Variants in ODF2L observed in about 807,000 individuals in gnomAD.
ODF2L encodes outer dense fiber of sperm tails 2 like, also known as protein BCAP.
A neutral mutation model predicts 86.3 loss-of-function variants in ODF2L; 76 were observed. That is an observed-to-expected ratio of 0.88 (90% CI 0.73 to 1.07). The LOEUF (loss-of-function observed/expected upper bound fraction) is 1.07, where lower values mean the gene tolerates loss of function less well. Ranked by LOEUF, ODF2L falls within the 50% of genes least tolerant of loss-of-function variation. The probability of loss-of-function intolerance (pLI) is 0.00; values close to 1 mark genes in which losing one functional copy is unlikely to be tolerated. For synonymous variants in ODF2L, 241 were observed against 231.3 expected (o/e 1.04, Z -0.38); for missense variants, 748 against 717.4 (o/e 1.04, Z -0.49).
exon 18 of ODF2L, chr1:86,351,491 T>C (rs1658134746): frequency 6.6e-6 from 1 of 152,276 alleles, no homozygotes; most frequent in Admixed American, 6.5e-5. Flanking sequence ...TTTTGGTTAC[T>C]GTAGCCTTGT....
At chr1:86,356,018 AAAAAGT>A (rs1369742141) in intron 14 of ODF2L, 2 of 247,624 alleles carry the variant, frequency 8.1e-6, no homozygotes, top group East Asian at 2.8e-4. Flanking sequence ...CTGATGGTAT[AAAAAGT>A]AAAACAGGAA....
At position 86,354,761 on chromosome 1, in the gene ODF2L, A is replaced by G. The variant is rs777463725; in HGVS notation, c.1604+13T>C. On this transcript the variant is annotated intron_variant, in intron 15 of 17. Coordinates refer to ENST00000317336, the Ensembl canonical transcript of ODF2L. ...AAATATGCAGCAGCAATGTTAAGTA[A>G]TTTAATACTTACTGTTGAAGGTTTT... is the stretch of plus-strand genomic sequence containing the variant. 4.5e-6 allele frequency: 7 copies of G among 1,549,198 alleles called. No individual in the cohort carries two copies. The East Asian group carries it at 1.1e-4, about 25-fold the overall frequency.
chr1:86,379,317 T>C (rs1660405357), intron 7 of ODF2L, among the ~76,000 whole-genome samples: 1 of 152,180 alleles, frequency 6.6e-6, no homozygotes, highest in South Asian at 2.1e-4. Context: ...TATAACCTGT[T>C]AAAGGATGCA....
chr1:86,393,533 A>T (rs6695671), intron 1 of ODF2L, among the ~76,000 whole-genome samples: 102,845 of 151,970 alleles, frequency 0.68, 34,971 homozygotes, highest in Non-Finnish European at 0.72. Context: ...CTCCAATGAA[A>T]AAAGAAGGAT....
At chr1:86,349,581 G>C (rs183985623), downstream of ODF2L, 1 of 152,260 alleles carries the variant, frequency 6.6e-6, no homozygotes, top group African/African-American at 2.4e-5. Context: ...AGGAAATGAG[G>C]CAGGTAAAAA....
At chr1:86,387,122 A>G in intron 1 of ODF2L, 36 bp from the exon 2 acceptor site, 1 of 582,146 alleles carries the variant, frequency 1.7e-6, no homozygotes, top group Non-Finnish European at 2.9e-6. Context: ...TTATTTCAAT[A>G]GAGTTTTTTT....
exon 8 of ODF2L, chr1:86,376,239 T>C: frequency 6.3e-7 from 1 of 1,597,866 alleles, no homozygotes; most frequent in Non-Finnish European, 8.6e-7. Flanking sequence ...ATACCTGATC[T>C]CTAATTTGGG....
intron 8 of ODF2L, among the ~76,000 whole-genome samples, 171 bp downstream of exon 8, chr1:86,376,062 C>A (rs1660147797): frequency 6.6e-6 from 1 of 152,028 alleles, no homozygotes; most frequent in Non-Finnish European, 1.5e-5. Flanking sequence ...GAAAATTTGA[C>A]ATTTTATGTA....
chr1:86,348,637 T>C, downstream of ODF2L: 2 of 970,752 alleles, frequency 2.1e-6, no homozygotes, highest in Non-Finnish European at 2.7e-6. Context: ...AAACCTCTAA[T>C]ACTACCACTC....
At position 86,358,809 on chromosome 1, in the gene ODF2L, GT is replaced by G; in HGVS notation, c.1336del (p.Thr446ProfsTer6). 1.4e-6 allele frequency: 2 copies of G among 1,472,076 alleles called. No individual in the cohort carries two copies. The highest frequency in any genetic ancestry group is 1.9e-5 in the Admixed American group (1 of 52,028). 91.2% of individuals were successfully genotyped at this position (1,472,076 alleles called of 1,614,324 possible). ...TACCTTCTCTACATTTTTATTTTTGGTTTTTGTTATTTGGTTATTTTTATGT... is the reference window on the plus strand; with the variant it reads ...TACCTTCTCTACATTTTTATTTTTGGTTTTGTTATTTGGTTATTTTTATGT... On this transcript the variant is annotated frameshift_variant, in exon 13 of 18. Transcript: ENST00000317336. LOFTEE classifies it high-confidence loss of function.
intron 8 of ODF2L, among the ~76,000 whole-genome samples, chr1:86,373,020 A>G (rs1659912802): frequency 6.6e-6 from 1 of 152,156 alleles, no homozygotes. Context: ...TACAGTGTAC[A>G]GTGCTCGGGT....
At chr1:86,373,382 T>C (rs565414257) in intron 8 of ODF2L, among the ~76,000 whole-genome samples, 29 of 150,588 alleles carry the variant, frequency 1.9e-4, no homozygotes, top group African/African-American at 7.1e-4. Flanking sequence ...GTGCAAGGGA[T>C]CCTCCTGCCT....
At chr1:86,356,072 G>A (rs1435458794) in intron 14 of ODF2L, 1 of 217,936 alleles carries the variant, frequency 4.6e-6, no homozygotes, top group Non-Finnish European at 9.4e-6. Context: ...AAAACTTGAC[G>A]TACAATTCTA....
intron 9 of ODF2L, 129 bp downstream of exon 9, chr1:86,372,302 T>C (rs1659847621): frequency 2.5e-6 from 1 of 395,372 alleles, no homozygotes; most frequent in African/African-American, 2.1e-5. Flanking sequence ...ATAGCAAAAA[T>C]ATCAAATCAT....
At chr1:86,379,070 T>G (rs922959239) in intron 7 of ODF2L, among the ~76,000 whole-genome samples, 2 of 152,052 alleles carry the variant, frequency 1.3e-5, no homozygotes, top group Non-Finnish European at 2.9e-5. Flanking sequence ...CTCTCTTCCT[T>G]TTGCTCCCAC....
chr1:86,390,129 GA>G (rs1472947149), intron 1 of ODF2L, among the ~76,000 whole-genome samples: 2 of 152,048 alleles, frequency 1.3e-5, no homozygotes, highest in Non-Finnish European at 2.9e-5. Context: ...ATAGATGCAA[GA>G]ATTCTTAAAA....
intron 8 of ODF2L, among the ~76,000 whole-genome samples, chr1:86,373,298 C>CTT (rs568005356): frequency 1.4e-5 from 2 of 140,214 alleles, no homozygotes; most frequent in Non-Finnish European, 3.1e-5. Context: ...TTCCATTTTA[C>CTT]TTTTTTTTTT....
rs191762405 is a variant in ODF2L, at chr1:86,390,736, G to C, written c.-59-3650C>G. Among the ~76,000 whole-genome samples, 66 of 152,156 alleles carry C rather than the reference G, an allele frequency of 4.3e-4. 1 individual carries two copies. The East Asian group carries it at 0.012, about 27-fold the overall frequency. ...CCCATAGCCAACATAATACTGAATG[G>C]GGAAAAGTTGAAAGCATTCCCTCTG... On this transcript the variant is annotated intron_variant, in intron 1 of 17. Transcript: ENST00000317336.
intron 1 of ODF2L, among the ~76,000 whole-genome samples, chr1:86,390,121 A>G (rs922276496): frequency 6.6e-6 from 1 of 152,178 alleles, no homozygotes; most frequent in Non-Finnish European, 1.5e-5. Flanking sequence ...TGATGAACAT[A>G]GATGCAAGAA....
Sources: gnomAD v4.1 joint callset for allele counts (sites outside exome capture counted in the v4.1 genomes callset) on GRCh38, gnomAD v4.1.1 for gene constraint, MANE v1.5 for transcripts, NCBI Gene and HGNC (gene_info 2026-07-23, HGNC 2026-07-21) for gene names.